The following CAMTA1 variants were observed in gnomAD, a reference collection of about 807,000 sequenced individuals.
The protein encoded by CAMTA1 is calmodulin binding transcription activator 1.
In CAMTA1, 27 loss-of-function variants were observed where a neutral mutation model predicts 170.9. The ratio of observed to expected loss-of-function variants is 0.16; its 90% CI spans 0.12 to 0.22. The LOEUF (loss-of-function observed/expected upper bound fraction) is 0.22. Ranked by LOEUF, CAMTA1 falls within the 10% of genes least tolerant of loss-of-function variation. The pLI is 1.00. For synonymous variants in CAMTA1, 833 were observed against 891.5 expected (o/e 0.93, Z 1.17); for missense variants, 1,619 against 2,217.2 (o/e 0.73, Z 5.42).
chr1:7,084,049 T>C (rs1417679135), intron 3 of CAMTA1, among the ~76,000 whole-genome samples: 3 of 151,990 alleles, frequency 2.0e-5, no homozygotes, highest in African/African-American at 7.2e-5. Flanking sequence ...AACCAAGCTT[T>C]AAGAAATTAT....
chr1:7,228,910 G>T (rs115317381), intron 4 of CAMTA1, among the ~76,000 whole-genome samples: 1,919 of 152,282 alleles, frequency 0.013, 38 homozygotes, highest in African/African-American at 0.043. Flanking sequence ...GAGGGGGATG[G>T]GTTTGGGTCA....
At chr1:7,203,253 A>G (rs1657030697) in intron 4 of CAMTA1, among the ~76,000 whole-genome samples, 1 of 152,008 alleles carries the variant, frequency 6.6e-6, no homozygotes. Flanking sequence ...GTTTGCTAGT[A>G]TTTTGTTGAG....
chr1:7,399,121 G>A (rs1245868653), intron 5 of CAMTA1, among the ~76,000 whole-genome samples: 9 of 152,162 alleles, frequency 5.9e-5, no homozygotes, highest in Non-Finnish European at 1.2e-4. Context: ...GACCTAATGG[G>A]AGGTGTTTGT....
rs574028477 is a variant in CAMTA1 at position 7,674,581 on chromosome 1, C to G, written c.2780-3018C>G. The stretch of plus-strand genomic sequence containing the variant: ...ATCACTTGAAGTCAGGAGTTCGAGA[C>G]CAGCCTGACCGACATGGTGAAACCC... On this transcript the variant is annotated intron_variant, in intron 10 of 22. Coordinates refer to ENST00000303635, the MANE Select transcript of CAMTA1 (RefSeq NM_015215.4). The surrounding 1 kb of genome is among the most constrained non-coding windows in gnomAD (Gnocchi z 4.1). 6.6e-6 allele frequency among the ~76,000 whole-genome samples: 1 copy of G among 152,224 alleles called. No individual in the cohort carries two copies. The highest frequency in any genetic ancestry group is 1.5e-5 in the Non-Finnish European group (1 of 68,022).
chr1:7,106,122 G>A (rs961917023), intron 4 of CAMTA1, among the ~76,000 whole-genome samples: 3 of 152,172 alleles, frequency 2.0e-5, no homozygotes, highest in Non-Finnish European at 4.4e-5. Flanking sequence ...GACCCACAGA[G>A]TGGTGGTGAG....
At chr1:7,712,150 A>C (rs2096575484) in intron 11 of CAMTA1, among the ~76,000 whole-genome samples, 1 of 152,220 alleles carries the variant, frequency 6.6e-6, no homozygotes, top group Non-Finnish European at 1.5e-5. Flanking sequence ...AAATATATAA[A>C]ATAACTTTGG....
chr1:6,868,979 A>C (rs992944113), intron 3 of CAMTA1, among the ~76,000 whole-genome samples: 16 of 152,236 alleles, frequency 1.1e-4, no homozygotes, highest in Admixed American at 9.8e-4. Flanking sequence ...ACAAAGAGAC[A>C]AGCTGTAATG....
Position 6,887,558 on chromosome 1 carries a change from CCT to C in CAMTA1, c.234+62355_234+62356del. The C allele has an allele frequency of 2.0e-6, 3 of 1,507,838 alleles. No homozygotes were observed. The highest frequency in any genetic ancestry group is 8.8e-7 in the Non-Finnish European group (1 of 1,132,164). 93.4% of individuals were successfully genotyped at this position (1,507,838 alleles called of 1,614,324 possible). ...GTTTGCCTTTACCCAGATGTCTCCT[CCT>C]CTCTCTGCCTCTGGAAATGGGGCAA... On this transcript the variant is annotated intron_variant, in intron 3 of 22. Transcript: ENST00000303635. This position sits in a 1 kb window ranked among gnomAD's most constrained non-coding sequence, Gnocchi z 4.1.
At chr1:7,070,935 G>C (rs1638558434) in intron 3 of CAMTA1, among the ~76,000 whole-genome samples, 1 of 152,218 alleles carries the variant, frequency 6.6e-6, no homozygotes. Flanking sequence ...TTGGAAGAGA[G>C]GCGCTGACTT....
chr1:6,880,827 T>A (rs1454669319), intron 3 of CAMTA1, among the ~76,000 whole-genome samples: 1 of 152,130 alleles, frequency 6.6e-6, no homozygotes, highest in Non-Finnish European at 1.5e-5. Flanking sequence ...GAATACCGAG[T>A]ACTAGGCACT....
intron 3 of CAMTA1, among the ~76,000 whole-genome samples, chr1:7,086,999 A>T (rs1247235754): frequency 2.0e-5 from 3 of 152,236 alleles, no homozygotes; most frequent in Non-Finnish European, 4.4e-5. Flanking sequence ...GGGAAGGAAC[A>T]TGCACGCCCG....
At position 7,483,726 on chromosome 1, in the gene CAMTA1, C is replaced by G. The variant is rs899643406; in HGVS notation, c.510+15825C>G. On this transcript the variant is annotated intron_variant, in intron 6 of 22. Transcript: ENST00000303635. ...AGGGGGTTGCAGAACAGAGTCTCGT[C>G]CCACCCTGGGGAGGGAAACCTCACC... Among the ~76,000 whole-genome samples the G allele has an allele frequency of 6.9e-4, 105 of 152,256 alleles. 1 individual carries two copies. Among genetic ancestry groups the G allele is most frequent in the African/African-American group, 2.5e-3 (102 of 41,554 alleles).
rs561452591 is a variant in CAMTA1 at position 7,319,918 on chromosome 1, G to A, written c.438+70292G>A. On this transcript the variant is annotated intron_variant, in intron 5 of 22. Coordinates refer to ENST00000303635, the MANE Select transcript of CAMTA1 (RefSeq NM_015215.4). Reference sequence around the variant, plus strand: ...TTATTTATTCTATGGCTGCCAATACGGAGAAATGCAATTCTTTTGTGTGTG... The same window carrying A: ...TTATTTATTCTATGGCTGCCAATACAGAGAAATGCAATTCTTTTGTGTGTG... Among the ~76,000 whole-genome samples, 20 of 152,084 alleles carry A rather than the reference G, an allele frequency of 1.3e-4. No homozygotes were observed. In the East Asian group the frequency reaches 3.3e-3, roughly 25 times the overall value.
intron 5 of CAMTA1, among the ~76,000 whole-genome samples, chr1:7,428,158 A>C (rs749893962): frequency 6.6e-6 from 1 of 152,130 alleles, no homozygotes; most frequent in Non-Finnish European, 1.5e-5. Flanking sequence ...ACGGGCAACC[A>C]TCAGACTCTG....
At chr1:7,256,828 G>C (rs112760178) in intron 5 of CAMTA1, among the ~76,000 whole-genome samples, 1 of 151,948 alleles carries the variant, frequency 6.6e-6, no homozygotes, top group African/African-American at 2.4e-5. Context: ...TGTCTGGCGA[G>C]GGCCTGTTTC....
chr1:7,416,110 A>C (rs1053452611), intron 5 of CAMTA1, among the ~76,000 whole-genome samples: 1 of 152,086 alleles, frequency 6.6e-6, no homozygotes, highest in African/African-American at 2.4e-5. Context: ...TGGCTTGTAG[A>C]GTTTCTGCTG....
intron 5 of CAMTA1, among the ~76,000 whole-genome samples, chr1:7,444,344 G>A (rs906385230): frequency 1.3e-5 from 2 of 152,158 alleles, no homozygotes; most frequent in African/African-American, 2.4e-5. Context: ...GTGGCTGCCC[G>A]AGCATCTGCC....
At position 7,565,608 on chromosome 1, in the gene CAMTA1, C is replaced by T. The variant is rs1445176200; in HGVS notation, c.511-74792C>T. 6.6e-6 allele frequency among the ~76,000 whole-genome samples: 1 copy of T among 152,150 alleles called. No homozygotes were observed. Among genetic ancestry groups the T allele is most frequent in the Non-Finnish European group, 1.5e-5 (1 of 68,016 alleles). On this transcript the variant is annotated intron_variant, in intron 6 of 22. Coordinates refer to ENST00000303635, the MANE Select transcript of CAMTA1 (RefSeq NM_015215.4). The surrounding 1 kb of genome is among the most constrained non-coding windows in gnomAD (Gnocchi z 4.5). ...CATTGGGCCTACCTGACTGAGACCC[C>T]AGGAGAGCCAGGTCCTGCTCCTTTG...
rs1253404755 is a variant in CAMTA1 at position 7,044,764 on chromosome 1, G to GCCC, written c.235-46536_235-46534dup. On this transcript the variant is annotated intron_variant, in intron 3 of 22. Coordinates refer to ENST00000303635, the MANE Select transcript of CAMTA1 (RefSeq NM_015215.4). The surrounding 1 kb of genome is among the most constrained non-coding windows in gnomAD (Gnocchi z 5.0). ...AACTTACCCTGCGTGCAGTCCTCCTGCCCCCCTGCCTGGCGCATCTTTCCC... is the reference window on the plus strand; with the variant it reads ...AACTTACCCTGCGTGCAGTCCTCCTGCCCCCCCCCTGCCTGGCGCATCTTTCCC... Among the ~76,000 whole-genome samples, 1 of 151,074 alleles carries GCCC rather than the reference G, an allele frequency of 6.6e-6. No homozygotes were observed. Among genetic ancestry groups the GCCC allele is most frequent in the Non-Finnish European group, 1.5e-5 (1 of 67,728 alleles).
Sources: gnomAD v4.1 joint callset for allele counts (sites outside exome capture counted in the v4.1 genomes callset) on GRCh38, gnomAD v4.1.1 for gene constraint, Gnocchi (gnomAD v3.1) non-coding constraint, MANE v1.5 for transcripts, NCBI Gene and HGNC (gene_info 2026-07-23, HGNC 2026-07-21) for gene names.